Variants in EVPLL observed in about 807,000 individuals in gnomAD.
EVPLL encodes the protein envoplakin like.
A neutral mutation model predicts 46.2 loss-of-function variants in EVPLL; 39 were observed. That is an observed-to-expected ratio of 0.84 (90% CI 0.65 to 1.10). EVPLL has a LOEUF of 1.10. EVPLL is among the 50% of genes least tolerant of loss of function. The pLI, the probability that EVPLL is intolerant of heterozygous loss-of-function variation, is 0.00. For synonymous variants in EVPLL, 156 were observed against 165.8 expected, an observed-to-expected ratio of 0.94 and a Z score of 0.46; for missense variants, 385 against 412.6, an observed-to-expected ratio of 0.93 and a Z score of 0.58.
At chr17:18,387,188 C>T (rs1598100712) in intron 9 of EVPLL, among the ~76,000 whole-genome samples, 2 of 150,794 alleles carry the variant, frequency 1.3e-5, no homozygotes, top group South Asian at 2.1e-4. Flanking sequence ...TGTGAGCCAC[C>T]GCGCCTGGCC....
intron 9 of EVPLL, among the ~76,000 whole-genome samples, chr17:18,385,068 G>A (rs1297372021): frequency 6.6e-6 from 1 of 151,750 alleles, no homozygotes; most frequent in Non-Finnish European, 1.5e-5. Context: ...GGGAGAGAGG[G>A]AGAGAGAGAC....
chr17:18,382,484 T>C, intron 4 of EVPLL, 29 bp from the exon 5 acceptor site: 1 of 1,550,950 alleles, frequency 6.4e-7, no homozygotes, highest in Non-Finnish European at 8.7e-7. Context: ...CCTGGTCCTG[T>C]GGTGACTGAG....
chr17:18,383,576 G>A lies in EVPLL; in HGVS notation c.865G>A (p.Asp289Asn). 5 of 1,489,698 alleles carry A rather than the reference G, an allele frequency of 3.4e-6. No individual in the cohort carries two copies. In the South Asian group the frequency reaches 6.0e-5, roughly 18 times the overall value. 92.3% of individuals were successfully genotyped at this position (1,489,698 alleles called of 1,614,324 possible). The change falls in exon 9 of 11, where the codon GAC (aspartate) becomes AAC (asparagine). Residue 289 changes from aspartate to asparagine, a missense_variant. By Grantham distance (23) the Asp-to-Asn change is conservative. Coordinates refer to ENST00000399134, the MANE Select transcript of EVPLL (RefSeq NM_001145127.2). Reference protein sequence around the residue: ...CQETQLQHVEDYSRILCPSSS... With the variant: ...CQETQLQHVENYSRILCPSSS... ...GGAGACCCAGCTCCAGCACGTGGAGGACTACAGCCGGGTGAGCCCTCGGGC... is the reference window on the plus strand; with the variant it reads ...GGAGACCCAGCTCCAGCACGTGGAGAACTACAGCCGGGTGAGCCCTCGGGC...
At chr17:18,382,440 G>A (rs765168282) in intron 4 of EVPLL, 73 bp from the exon 5 acceptor site, 301 of 1,537,132 alleles carry the variant, frequency 2.0e-4, no homozygotes, top group Non-Finnish European at 2.5e-4. Flanking sequence ...CACTTCTCCG[G>A]GTGGGAGACG....
rs954604885 is a variant in EVPLL, at chr17:18,380,849, G to A, written c.-36-53G>A. On this transcript the variant is annotated intron_variant, in intron 1 of 10. Transcript: ENST00000399134. ...GGGCAGGGGACGCCACCTGGATGGG[G>A]CACAGAGGGGCCTCTTCCACCGAGC... The A allele has an allele frequency of 8.9e-6, 13 of 1,465,278 alleles. No individual in the cohort carries two copies. In the African/African-American group the frequency reaches 1.3e-4, roughly 14 times the overall value. 90.8% of individuals were successfully genotyped at this position (1,465,278 alleles called of 1,614,324 possible).
At chr17:18,385,116 G>C (rs928476533) in intron 9 of EVPLL, among the ~76,000 whole-genome samples, 1 of 150,982 alleles carries the variant, frequency 6.6e-6, no homozygotes, top group African/African-American at 2.4e-5. Flanking sequence ...CCCAGTTTCC[G>C]GTGCAGTTGT....
rs572276814 is a variant in EVPLL at position 18,381,686 on chromosome 17, G to A, written c.302G>A (p.Arg101His). ...GAGAAGATGGTGCTGCCGCCCCGAC[G>A]TGGGATCCAAGGTCGACTGGGCACA... is the stretch of plus-strand genomic sequence containing the variant. ...LYEKMVLPPRRGIQGRLGTRA... is the reference protein window; with the variant it reads ...LYEKMVLPPRHGIQGRLGTRA... The change falls in exon 4 of 11, where the codon CGT becomes CAT. Residue 101 changes from arginine (R) to histidine (H), a missense_variant. Physicochemically the swap from Arg to His is conservative, Grantham distance 29. Transcript: ENST00000399134. The surrounding 1 kb of genome is among the most constrained non-coding windows in gnomAD (Gnocchi z 4.2). The A allele has an allele frequency of 3.8e-5, 62 of 1,614,212 alleles. No individual in the cohort carries two copies. Among genetic ancestry groups the A allele is most frequent in the South Asian group, 3.3e-4 (30 of 91,088 alleles).
At position 18,382,498 on chromosome 17, in the gene EVPLL, C is replaced by A. The variant is rs1187351937; in HGVS notation, c.347-15C>A. On this transcript the variant is annotated splice_polypyrimidine_tract_variant and intron_variant, in intron 4 of 10. Transcript: ENST00000399134. Reference sequence around the variant, plus strand: ...CCCTGGTCCTGTGGTGACTGAGCCGCCGGCTCTCCTGCAGAAGCTGGTCTG... The same window carrying A: ...CCCTGGTCCTGTGGTGACTGAGCCGACGGCTCTCCTGCAGAAGCTGGTCTG... 6.4e-7 allele frequency: 1 copy of A among 1,551,474 alleles called. No individual in the cohort carries two copies. The highest frequency in any genetic ancestry group is 8.7e-7 in the Non-Finnish European group (1 of 1,146,884).
In EVPLL at chr17:18,387,253, C is replaced by G. The variant is rs529427168; in HGVS notation, c.877-966C>G. On this transcript the variant is annotated intron_variant, in intron 9 of 10. Transcript: ENST00000399134. The stretch of plus-strand genomic sequence containing the variant: ...AATTTTTTTGTTTAAGAAAGGGATC[C>G]TTTGGCAGAAAGAAAATCTGAAACT... 2.1e-4 allele frequency among the ~76,000 whole-genome samples: 32 copies of G among 151,896 alleles called. No homozygotes were observed. In the East Asian group the frequency reaches 3.9e-3, roughly 18 times the overall value.
At position 18,388,219 on chromosome 17, in the gene EVPLL, A is replaced by T; in HGVS notation, c.877A>T (p.Ile293Phe). 1.4e-6 allele frequency: 2 copies of T among 1,446,934 alleles called. No homozygotes were observed. The highest frequency in any genetic ancestry group is 9.5e-7 in the Non-Finnish European group (1 of 1,053,004). The allele number at this position is 1,446,934 out of a possible 1,614,324, so 89.6% of individuals were successfully genotyped here. Reference protein sequence around the residue: ...QLQHVEDYSRILCPSSSPH With the variant: ...QLQHVEDYSRFLCPSSSPH ...TCTTTTGTTTTCTTTCTTTCCACAGATTCTGTGTCCATCTTCCTCTCCTCA... is the reference window on the plus strand; with the variant it reads ...TCTTTTGTTTTCTTTCTTTCCACAGTTTCTGTGTCCATCTTCCTCTCCTCA... Residue 293 changes from isoleucine to phenylalanine, a missense_variant and splice_region_variant, in exon 10 of 11, where the codon ATT becomes TTT. By Grantham distance (21) the Ile-to-Phe change is conservative (BLOSUM62 0). Coordinates refer to ENST00000399134, the MANE Select transcript of EVPLL (RefSeq NM_001145127.2).
At chr17:18,382,328 G>T (rs1987605407) in intron 4 of EVPLL, 185 bp from the exon 5 acceptor site, 1 of 649,850 alleles carries the variant, frequency 1.5e-6, no homozygotes, top group South Asian at 1.9e-5. Context: ...GGCCTCTGCA[G>T]TGGCCACCCT....
chr17:18,384,761 TC>T (rs1987714039), intron 9 of EVPLL, among the ~76,000 whole-genome samples: 1 of 152,132 alleles, frequency 6.6e-6, no homozygotes, highest in African/African-American at 2.4e-5. Flanking sequence ...AGCTGGGGCT[TC>T]CTTTTCCAGT....
Position 18,381,596 on chromosome 17 carries a change from T to C in EVPLL, c.219-7T>C, listed in dbSNP as rs749814460. 1.1e-5 allele frequency: 17 copies of C among 1,613,950 alleles called. No individual in the cohort carries two copies. The highest frequency in any genetic ancestry group is 4.0e-5 in the African/African-American group (3 of 74,920). On this transcript the variant is annotated splice_region_variant and splice_polypyrimidine_tract_variant and intron_variant, in intron 3 of 10. Coordinates refer to ENST00000399134, the MANE Select transcript of EVPLL (RefSeq NM_001145127.2). This position sits in a 1 kb window ranked among gnomAD's most constrained non-coding sequence, Gnocchi z 4.2. ...CAGCCCTGACCTGCTGGCCACCTTC[T>C]TGACAGCATCGAGCAGCTGCACGAG...
chr17:18,383,330 C>A lies in EVPLL; in HGVS notation c.732C>A (p.Asp244Glu). ...QEQSVNQLEE[D>E]GKRMVELRHP... is the part of the protein sequence containing the mutation. ...AGAGCGTAAACCAGCTGGAGGAGGA[C>A]GGCAAGCGCATGGTGGAGCTGCGGC... Residue 244 changes from aspartate (D) to glutamate (E), a missense_variant, in exon 8 of 11, where the codon GAC (aspartate) becomes GAA (glutamate). Transcript: ENST00000399134. 2 of 1,601,894 alleles carry A rather than the reference C, an allele frequency of 1.2e-6. No individual in the cohort carries two copies. Among genetic ancestry groups the A allele is most frequent in the Non-Finnish European group, 1.7e-6 (2 of 1,175,000 alleles).
chr17:18,382,854 G>C lies in EVPLL; in HGVS notation c.501G>C (p.Pro167=). 3 of 1,613,356 alleles carry C rather than the reference G, an allele frequency of 1.9e-6. No individual in the cohort carries two copies. Among genetic ancestry groups the C allele is most frequent in the Non-Finnish European group, 2.5e-6 (3 of 1,179,716 alleles). Residue 167 remains proline (P), a synonymous_variant, in exon 6 of 11, where the codon CCG becomes CCC. Transcript: ENST00000399134. ...GCCGCCACCATCCGGAGCCAATACCGAGACCTACTGGTGAGCAGGAGGGAG... is the reference window on the plus strand; with the variant it reads ...GCCGCCACCATCCGGAGCCAATACCCAGACCTACTGGTGAGCAGGAGGGAG... The part of the protein sequence containing the change: ...AGCRHHPEPI[P]RPTEGGVVAR...
In EVPLL at chr17:18,382,588, CAGA is replaced by C. The variant is rs764067058; in HGVS notation, c.425_427del (p.Glu142del). On this transcript the variant is annotated inframe_deletion, in exon 5 of 11. Transcript: ENST00000399134. ...ACAGATCGCGGAGCTCAACATCGTG[CAGA>C]AGGAGATCAACGACCAAGGAGAGCA... The C allele has an allele frequency of 1.9e-6, 3 of 1,551,730 alleles. No homozygotes were observed. The highest frequency in any genetic ancestry group is 2.0e-5 in the Admixed American group (1 of 50,990).
At chr17:18,388,080 G>A (rs1987835014) in intron 9 of EVPLL, 139 bp from the exon 10 acceptor site, 1 of 300,740 alleles carries the variant, frequency 3.3e-6, no homozygotes. Context: ...TATTTATAGT[G>A]TGTGTAATGG....
rs1051117896 is a variant in EVPLL at position 18,381,244 on chromosome 17, C to T, written c.64-123C>T. On this transcript the variant is annotated intron_variant, in intron 2 of 10. Transcript: ENST00000399134. The surrounding 1 kb of genome is among the most constrained non-coding windows in gnomAD (Gnocchi z 4.2). ...GCCCTGGGCCTGACCCTGTGCCTGG[C>T]GTGGGCCTCGAGGTTGGCCAGCATA... is the stretch of plus-strand genomic sequence containing the variant. 16 of 1,417,610 alleles carry T rather than the reference C, an allele frequency of 1.1e-5. No homozygotes were observed. Among genetic ancestry groups the T allele is most frequent in the Admixed American group, 2.6e-5 (1 of 37,782 alleles). 87.8% of individuals were successfully genotyped at this position (1,417,610 alleles called of 1,614,324 possible). A position where few individuals can be genotyped will look rare whatever the true frequency, so the allele number is the denominator to read the frequency against.
intron 1 of EVPLL, 199 bp from the exon 2 acceptor site, chr17:18,380,703 C>G: frequency 1.8e-6 from 1 of 564,190 alleles, no homozygotes. Context: ...CTTTTGACCC[C>G]TCATGTGGCG....
Sources: gnomAD v4.1 joint callset for allele counts (sites outside exome capture counted in the v4.1 genomes callset) on GRCh38, gnomAD v4.1.1 for gene constraint, Gnocchi (gnomAD v3.1) non-coding constraint, MANE v1.5 for transcripts, NCBI Gene and HGNC (gene_info 2026-07-23, HGNC 2026-07-21) for gene names.